Variants in ASAP2 observed in about 807,000 individuals in gnomAD.
ASAP2 encodes the protein ArfGAP with SH3 domain, ankyrin repeat and PH domain 2, also known as arf-GAP with SH3 domain, ANK repeat and PH domain-containing protein 2.
Under a neutral mutation model 131.4 loss-of-function variants are expected in ASAP2, and 45 were observed. The observed-to-expected ratio is 0.34, with a 90% confidence interval of 0.27 to 0.44. The LOEUF (loss-of-function observed/expected upper bound fraction) is 0.44, where lower values mean the gene tolerates loss of function less well. Among genes scored for constraint, ASAP2 ranks in the 20% least tolerant of loss-of-function variants. The probability of loss-of-function intolerance (pLI) is 1.00; values close to 1 mark genes in which losing one functional copy is unlikely to be tolerated. For synonymous variants in ASAP2, 510 were observed against 503.0 expected (o/e 1.01, Z -0.19); for missense variants, 1,011 against 1,297.0 (o/e 0.78, Z 3.39).
At chr2:9,275,412 T>G (rs1480612059) in intron 1 of ASAP2, among the ~76,000 whole-genome samples, 1 of 152,146 alleles carries the variant, frequency 6.6e-6, no homozygotes, top group African/African-American at 2.4e-5. Flanking sequence ...CAAACTCCTG[T>G]AGACACAAGA....
At chr2:9,323,997 G>C (rs1371205225) in intron 6 of ASAP2, among the ~76,000 whole-genome samples, 2 of 152,182 alleles carry the variant, frequency 1.3e-5, no homozygotes, top group Non-Finnish European at 2.9e-5. Context: ...AATTCCTCCT[G>C]GCAGTGCCAG....
intron 2 of ASAP2, among the ~76,000 whole-genome samples, chr2:9,292,744 G>A (rs1268479730): frequency 6.6e-6 from 1 of 152,228 alleles, no homozygotes; most frequent in African/African-American, 2.4e-5. Flanking sequence ...TCAGTGCATA[G>A]ACTGACATAT....
chr2:9,248,763 A>G (rs1353120959), intron 1 of ASAP2, among the ~76,000 whole-genome samples: 1 of 152,054 alleles, frequency 6.6e-6, no homozygotes, highest in African/African-American at 2.4e-5. Flanking sequence ...TAGGTTGTAT[A>G]TTTCAATTAG....
intron 1 of ASAP2, among the ~76,000 whole-genome samples, chr2:9,249,690 G>A (rs1664574698): frequency 1.3e-5 from 2 of 151,500 alleles, no homozygotes; most frequent in Admixed American, 1.3e-4. Flanking sequence ...TGGGCGCTGG[G>A]CTGAGATTGC....
At chr2:9,284,332 A>T (rs1316204290) in intron 2 of ASAP2, among the ~76,000 whole-genome samples, 2 of 152,206 alleles carry the variant, frequency 1.3e-5, no homozygotes, top group African/African-American at 4.8e-5. Context: ...TAACACTTTA[A>T]ATATTGCTCC....
intron 1 of ASAP2, among the ~76,000 whole-genome samples, chr2:9,233,055 G>A (rs755153322): frequency 3.3e-5 from 5 of 152,100 alleles, no homozygotes; most frequent in Admixed American, 6.6e-5. Flanking sequence ...TCTGTGCTCT[G>A]TGTTTTTTTT....
At chr2:9,354,128 C>G (rs1341801717) in intron 12 of ASAP2, among the ~76,000 whole-genome samples, 3 of 152,192 alleles carry the variant, frequency 2.0e-5, no homozygotes, top group Non-Finnish European at 2.9e-5. Flanking sequence ...TCCGCGAACC[C>G]CATAGGCACC....
chr2:9,249,325 A>G (rs561417888), intron 1 of ASAP2, among the ~76,000 whole-genome samples: 1 of 152,174 alleles, frequency 6.6e-6, no homozygotes, highest in Non-Finnish European at 1.5e-5. Flanking sequence ...TGTCTGCCCC[A>G]TTCTGCCCTC....
intron 2 of ASAP2, among the ~76,000 whole-genome samples, chr2:9,294,235 G>C (rs1371283163): frequency 6.6e-6 from 1 of 152,100 alleles, no homozygotes; most frequent in Non-Finnish European, 1.5e-5. Context: ...CAGACCTCAG[G>C]TGATGCACCT....
chr2:9,349,646 C>T (rs1304183676), intron 11 of ASAP2, among the ~76,000 whole-genome samples: 1 of 152,196 alleles, frequency 6.6e-6, no homozygotes, highest in Non-Finnish European at 1.5e-5. Context: ...ACCAACACAG[C>T]CACGAACCAG....
At chr2:9,345,497 C>T (rs1361747914) in intron 11 of ASAP2, among the ~76,000 whole-genome samples, 4 of 152,130 alleles carry the variant, frequency 2.6e-5, no homozygotes, top group Admixed American at 6.6e-5. Context: ...TCCATGGCAG[C>T]GTTATACATA....
Position 9,223,358 on chromosome 2 carries a change from T to A in ASAP2, c.126+16128T>A, listed in dbSNP as rs145146471. Among the ~76,000 whole-genome samples the A allele has an allele frequency of 7.0e-4, 106 of 152,344 alleles. 2 individuals are homozygous for A. The East Asian group carries it at 0.017, about 24-fold the overall frequency. ...CTTAAGGGCCCTGTTTTATTTGCTC[T>A]TTTAATTTATGAACCTTCTTGGATC... On this transcript the variant is annotated intron_variant, in intron 1 of 27. Transcript: ENST00000281419.
chr2:9,242,153 C>CT (rs937121530), intron 1 of ASAP2, among the ~76,000 whole-genome samples: 3 of 151,562 alleles, frequency 2.0e-5, no homozygotes, highest in Admixed American at 1.3e-4. Context: ...TGGAATGAAA[C>CT]TTTTTTTTTA....
In ASAP2 at chr2:9,378,975, A is replaced by T; in HGVS notation, c.1864A>T (p.Ser622Cys). 1 of 1,522,530 alleles carries T rather than the reference A, an allele frequency of 6.6e-7. No homozygotes were observed. Among genetic ancestry groups the T allele is most frequent in the South Asian group, 1.3e-5 (1 of 78,250 alleles). 94.3% of individuals were successfully genotyped at this position (1,522,530 alleles called of 1,614,324 possible). A position where few individuals can be genotyped will look rare whatever the true frequency, so the allele number is the denominator to read the frequency against. ...GNLDKQTGKG[S>C]TALHYCCLTD... The stretch of plus-strand genomic sequence containing the variant: ...CCTGGATAAACAGACAGGGAAAGGC[A>T]GCACAGCCCTGCACTACTGCTGCCT... Residue 622 changes from serine to cysteine, a missense_variant, in exon 19 of 28, where the codon AGC becomes TGC. Ser to Cys is a moderately radical substitution (Grantham distance 112, BLOSUM62 -1). Around this residue, in one of 2 missense-constraint regions of ASAP2, gnomAD observed 652 missense variants for 698.9 expected, o/e 0.93. Coordinates refer to ENST00000281419, the MANE Select transcript of ASAP2 (RefSeq NM_003887.3).
At chr2:9,340,901 A>G (rs1480441605) in intron 9 of ASAP2, among the ~76,000 whole-genome samples, 2 of 152,304 alleles carry the variant, frequency 1.3e-5, no homozygotes, top group South Asian at 2.1e-4. Context: ...GTGTCACAGG[A>G]CAGAGGATGT....
intron 1 of ASAP2, among the ~76,000 whole-genome samples, chr2:9,273,741 A>G (rs1666568676): frequency 1.3e-5 from 2 of 152,210 alleles, no homozygotes. Context: ...GAGCCAGTTT[A>G]TTGATCTGGG....
intron 2 of ASAP2, among the ~76,000 whole-genome samples, chr2:9,289,172 C>T (rs752632049): frequency 6.6e-6 from 1 of 152,172 alleles, no homozygotes; most frequent in Non-Finnish European, 1.5e-5. Context: ...GGCTGCTCTC[C>T]GTTACCTGGG....
chr2:9,361,627 G>A (rs1224023815), intron 15 of ASAP2, among the ~76,000 whole-genome samples: 1 of 151,198 alleles, frequency 6.6e-6, no homozygotes, highest in Non-Finnish European at 1.5e-5. Context: ...GAGTCCAGTA[G>A]CACAATCTTA....
In ASAP2 at chr2:9,403,534, T is replaced by C. The variant is rs1040198327; in HGVS notation, c.*207T>C. 2 of 528,432 alleles carry C rather than the reference T, an allele frequency of 3.8e-6. No homozygotes were observed. The highest frequency in any genetic ancestry group is 3.9e-5 in the African/African-American group (2 of 51,586). The allele number at this position is 528,432 out of a possible 1,614,324, so 32.7% of individuals were successfully genotyped here. A position where few individuals can be genotyped will look rare whatever the true frequency, so the allele number is the denominator to read the frequency against. On this transcript the variant is annotated 3_prime_UTR_variant, in exon 28 of 28. Transcript: ENST00000281419. ...GGTTTTCATGAAACATTGCTATGCA[T>C]TTATTAGGAAAAACTGAATTTCCCA... is the stretch of plus-strand genomic sequence containing the variant.
Sources: allele counts gnomAD v4.1 joint callset (sites outside exome capture counted in the v4.1 genomes callset), GRCh38; gene constraint gnomAD v4.1.1; regional missense constraint gnomAD v4.1.1; transcripts MANE v1.5; gene names NCBI Gene and HGNC (gene_info 2026-07-23, HGNC 2026-07-21).